SLC12A9: variants seen among roughly 807,000 people sequenced by gnomAD.
SLC12A9 encodes solute carrier family 12 member 9, also known as CCC-interacting protein 1.
Under a neutral mutation model 66.0 loss-of-function variants are expected in SLC12A9, and 55 were observed. The ratio of observed to expected loss-of-function variants is 0.83; its 90% CI spans 0.67 to 1.04. The LOEUF (loss-of-function observed/expected upper bound fraction) is 1.04, where lower values mean the gene tolerates loss of function less well. Among genes scored for constraint, SLC12A9 ranks in the 50% least tolerant of loss-of-function variants. SLC12A9 has a pLI of 0.00. For synonymous variants in SLC12A9, 577 were observed against 569.0 expected (o/e 1.01, Z -0.20); for missense variants, 1,061 against 1,241.9 (o/e 0.85, Z 2.19).
At chr7:100,835,666 A>G (rs1813641163) in intron 1 of SLC12A9, among the ~76,000 whole-genome samples, 1 of 152,114 alleles carries the variant, frequency 6.6e-6, no homozygotes, top group Non-Finnish European at 1.5e-5. Flanking sequence ...AAAAACAACA[A>G]AAAAACAAAA....
chr7:100,849,807 GATCCCGAGTTC>G (rs1814018362), upstream of SLC12A9, among the ~76,000 whole-genome samples: 1 of 151,050 alleles, frequency 6.6e-6, no homozygotes, highest in South Asian at 2.1e-4. Flanking sequence ...TACCTCACTG[GATCCCGAGTTC>G]ATCCATCCTA....
intron 1 of SLC12A9, chr7:100,827,245 G>A (rs1813434381): frequency 1.1e-5 from 2 of 182,502 alleles, no homozygotes; most frequent in Admixed American, 6.3e-5. Context: ...GGCCCGGAGC[G>A]TGCTGGCAGT....
At chr7:100,862,029 G>C (rs1178236137) in intron 12 of SLC12A9, 118 bp downstream of exon 12, 2 of 1,099,268 alleles carry the variant, frequency 1.8e-6, no homozygotes, top group African/African-American at 1.6e-5. Flanking sequence ...GGACGATCTT[G>C]GCTCACTGCA....
chr7:100,843,974 G>C (rs1291592283), intron 1 of SLC12A9, among the ~76,000 whole-genome samples: 1 of 152,124 alleles, frequency 6.6e-6, no homozygotes, highest in Non-Finnish European at 1.5e-5. Flanking sequence ...AGCTTCGCCA[G>C]CCCCTGCAAA....
At chr7:100,848,986 T>G (rs184266257), upstream of SLC12A9, among the ~76,000 whole-genome samples, 1 of 151,908 alleles carries the variant, frequency 6.6e-6, no homozygotes, top group East Asian at 1.9e-4. Flanking sequence ...TTGGTTAGTT[T>G]TTTGTTTTTT....
chr7:100,855,784 G>C lies in SLC12A9; in HGVS notation c.395G>C (p.Cys132Ser), dbSNP rs1814353639. ...LMFYLANVCGCAVSLLGLVES... is the reference protein window; with the variant it reads ...LMFYLANVCGSAVSLLGLVES... ...TTCTACCTGGCTAACGTCTGTGGCT[G>C]TGCCGTCTCCCTCCTGGGGCTGGTG... The change falls in exon 4 of 14, where the codon TGT becomes TCT. Residue 132 changes from cysteine to serine, a missense_variant. Coordinates refer to ENST00000354161, the MANE Select transcript of SLC12A9 (RefSeq NM_020246.4). 1 of 1,613,962 alleles carries C rather than the reference G, an allele frequency of 6.2e-7. No individual in the cohort carries two copies. The highest frequency in any genetic ancestry group is 1.1e-5 in the South Asian group (1 of 91,054).
chr7:100,837,129 G>C (rs949016443), intron 1 of SLC12A9, among the ~76,000 whole-genome samples: 1 of 152,146 alleles, frequency 6.6e-6, no homozygotes, highest in African/African-American at 2.4e-5. Context: ...TAAAAATAGA[G>C]ATGGGGGCTC....
Position 100,846,435 on chromosome 7 carries a change from C to T in SLC12A9, n.229-13450C>T, listed in dbSNP as rs1207485287. ...CAAAAAAATGAGCCGGGCGTGGTGG[C>T]GGGCGCCTGTAGTCCCAGTTACTCG... On this transcript the variant is annotated intron_variant and non_coding_transcript_variant, in intron 1 of 1. Coordinates refer to the SLC12A9 transcript ENST00000461016. Among the ~76,000 whole-genome samples the T allele has an allele frequency of 7.9e-5, 12 of 152,158 alleles. No individual in the cohort carries two copies. In the South Asian group the frequency reaches 8.3e-4, roughly 11 times the overall value.
Position 100,861,456 on chromosome 7 carries a change from A to T in SLC12A9, c.1408A>T (p.Met470Leu), listed in dbSNP as rs1194581746. 1 of 1,613,578 alleles carries T rather than the reference A, an allele frequency of 6.2e-7. No homozygotes were observed. The highest frequency in any genetic ancestry group is 8.5e-7 in the Non-Finnish European group (1 of 1,179,996). ...LLGVASCLLM[M>L]FLISPGAAGG... ...GGGGGTGGCCTCCTGCCTGCTCATG[A>T]TGTTCCTCATCAGTCCTGGCGCGGC... Residue 470 changes from methionine (M) to leucine (L), a missense_variant, in exon 11 of 14, where the codon ATG becomes TTG. By Grantham distance (15) the Met-to-Leu change is conservative. Coordinates refer to ENST00000354161, the MANE Select transcript of SLC12A9 (RefSeq NM_020246.4). This position sits in a 1 kb window ranked among gnomAD's most constrained non-coding sequence, Gnocchi z 5.3.
At chr7:100,840,969 A>C (rs548960546) in intron 1 of SLC12A9, among the ~76,000 whole-genome samples, 1 of 151,984 alleles carries the variant, frequency 6.6e-6, no homozygotes, top group East Asian at 1.9e-4. Flanking sequence ...TTCAGTCTGT[A>C]GCGGCAACTG....
upstream of SLC12A9, among the ~76,000 whole-genome samples, chr7:100,849,516 G>GACC (rs918755674): frequency 6.6e-6 from 1 of 151,852 alleles, no homozygotes; most frequent in Non-Finnish European, 1.5e-5. Context: ...AGCAGTTTGA[G>GACC]ACCAGCCTGG....
intron 1 of SLC12A9, among the ~76,000 whole-genome samples, chr7:100,847,241 C>G (rs944485108): frequency 6.6e-6 from 1 of 152,220 alleles, no homozygotes; most frequent in Non-Finnish European, 1.5e-5. Flanking sequence ...CTCAAGTGAT[C>G]CACCCGCCTT....
intron 1 of SLC12A9, among the ~76,000 whole-genome samples, chr7:100,840,915 A>C (rs925468429): frequency 2.0e-5 from 3 of 152,064 alleles, no homozygotes; most frequent in Non-Finnish European, 2.9e-5. Context: ...AGGCCTTCCT[A>C]TCAAAAATCC....
At chr7:100,851,260 G>T (rs182858577), upstream of SLC12A9, among the ~76,000 whole-genome samples, 13 of 152,148 alleles carry the variant, frequency 8.5e-5, no homozygotes, top group Non-Finnish European at 1.3e-4. Flanking sequence ...AGTAGAAGAG[G>T]TGAACTGAAG....
rs779897947 is a variant in SLC12A9 at position 100,858,841 on chromosome 7, A to G, written c.764A>G (p.Tyr255Cys). 1.9e-6 allele frequency: 3 copies of G among 1,614,140 alleles called. No individual in the cohort carries two copies. Among genetic ancestry groups the G allele is most frequent in the Non-Finnish European group, 2.5e-6 (3 of 1,179,992 alleles). The change falls in exon 6 of 14, where the codon TAT (tyrosine) becomes TGT (cysteine). Residue 255 changes from tyrosine (Y) to cysteine (C), a missense_variant. By Grantham distance (194) the Tyr-to-Cys change is radical. Transcript: ENST00000354161. ...CCTGGGAGGATCCTCCTAGCTGGCTATGCTGAGGACTACACCACGGGAGCC... is the reference window on the plus strand; with the variant it reads ...CCTGGGAGGATCCTCCTAGCTGGCTGTGCTGAGGACTACACCACGGGAGCC... Reference protein sequence around the residue: ...STLKDNLGAGYAEDYTTGAVM... With the variant: ...STLKDNLGAGCAEDYTTGAVM...
At chr7:100,858,712 T>G (rs1584699567) in intron 5 of SLC12A9, 123 bp from the exon 6 acceptor site, 2 of 832,812 alleles carry the variant, frequency 2.4e-6, no homozygotes. Context: ...CAGGCTGGGG[T>G]CTTAGTGAGG....
chr7:100,852,783 C>G lies in SLC12A9; in HGVS notation c.-95C>G, dbSNP rs1475734619. The G allele has an allele frequency of 3.3e-3, 1 of 302 alleles. No homozygotes were observed. The highest frequency in any genetic ancestry group is 0.17 in the Admixed American group (1 of 6). The allele number at this position is 302 out of a possible 1,614,324, so 0.0% of individuals were successfully genotyped here. On this transcript the variant is annotated 5_prime_UTR_variant, in exon 1 of 14. Transcript: ENST00000354161. Reference sequence around the variant, plus strand: ...TTCCGGCCCCCGTGCACTCTCCGCCCGAGCGGAGCCCCCCGGCTCGCGGGG... The same window carrying G: ...TTCCGGCCCCCGTGCACTCTCCGCCGGAGCGGAGCCCCCCGGCTCGCGGGG...
rs1375887994 is a variant in SLC12A9 at position 100,866,266 on chromosome 7, G to A, written c.2406G>A (p.Val802=). ...LRIRAEVQEV[V]WGEGAGAGEP... is the part of the protein sequence containing the mutation. Reference sequence around the variant, plus strand: ...TCCGGGCTGAGGTGCAGGAGGTGGTGTGGGGCGAGGGGGCCGGGGCTGGGG... The same window carrying A: ...TCCGGGCTGAGGTGCAGGAGGTGGTATGGGGCGAGGGGGCCGGGGCTGGGG... The change falls in exon 14 of 14, where the codon GTG becomes GTA. Residue 802 remains valine (V), a synonymous_variant. Coordinates refer to ENST00000354161, the MANE Select transcript of SLC12A9 (RefSeq NM_020246.4). This position sits in a 1 kb window ranked among gnomAD's most constrained non-coding sequence, Gnocchi z 7.3. 6.4e-7 allele frequency: 1 copy of A among 1,566,468 alleles called. No individual in the cohort carries two copies. The highest frequency in any genetic ancestry group is 8.6e-7 in the Non-Finnish European group (1 of 1,156,102).
At position 100,860,189 on chromosome 7, in the gene SLC12A9, GA is replaced by G; in HGVS notation, c.1178del (p.Asn393ThrfsTer22). 6.2e-7 allele frequency: 1 copy of G among 1,614,182 alleles called. No homozygotes were observed. Among genetic ancestry groups the G allele is most frequent in the Non-Finnish European group, 8.5e-7 (1 of 1,180,020 alleles). On this transcript the variant is annotated frameshift_variant, in exon 9 of 14. Coordinates refer to ENST00000354161, the MANE Select transcript of SLC12A9 (RefSeq NM_020246.4). LOFTEE classifies it high-confidence loss of function. ...CCGGCCAAGGTTGTGTCCCGAGGGG[GA>G]AACCCCTGGGCAGCTGTACTTTATT... ...LAPAKVVSRG[G>X]NPWAAVLYSW...
Sources: allele counts gnomAD v4.1 joint callset (sites outside exome capture counted in the v4.1 genomes callset), GRCh38; gene constraint gnomAD v4.1.1; non-coding constraint Gnocchi (gnomAD v3.1); transcripts MANE v1.5; gene names NCBI Gene and HGNC (gene_info 2026-07-23, HGNC 2026-07-21).